FNDC3A: variants seen among roughly 807,000 people sequenced by gnomAD.
The protein encoded by FNDC3A is fibronectin type III domain containing 3A.
In FNDC3A, 32 loss-of-function variants were observed where a neutral mutation model predicts 148.9. The ratio of observed to expected loss-of-function variants is 0.21; its 90% CI spans 0.16 to 0.29. FNDC3A has a LOEUF of 0.29. Ranked by LOEUF, FNDC3A falls within the 10% of genes least tolerant of loss-of-function variation. The pLI is 1.00. For synonymous variants in FNDC3A, 472 were observed against 473.6 expected, an observed-to-expected ratio of 1.00 and a Z score of 0.04; for missense variants, 1,191 against 1,452.8, an observed-to-expected ratio of 0.82 and a Z score of 2.93.
At chr13:49,108,933 G>C (rs1306035663) in intron 3 of FNDC3A, among the ~76,000 whole-genome samples, 1 of 152,146 alleles carries the variant, frequency 6.6e-6, no homozygotes, top group Non-Finnish European at 1.5e-5. Flanking sequence ...TATATTTATT[G>C]AGACCTATTT....
intron 2 of FNDC3A, among the ~76,000 whole-genome samples, chr13:49,013,007 A>G (rs1481010226): frequency 6.6e-6 from 1 of 152,118 alleles, no homozygotes; most frequent in Admixed American, 6.6e-5. Flanking sequence ...ATTTTTATGT[A>G]TATTCTTTCT....
chr13:49,109,855 A>G (rs986187047), intron 3 of FNDC3A, among the ~76,000 whole-genome samples: 1 of 152,210 alleles, frequency 6.6e-6, no homozygotes, highest in Non-Finnish European at 1.5e-5. Context: ...TATTCTATAC[A>G]CAATTATTTG....
At chr13:49,080,969 G>T (rs928052723) in intron 3 of FNDC3A, among the ~76,000 whole-genome samples, 3 of 152,082 alleles carry the variant, frequency 2.0e-5, no homozygotes, top group African/African-American at 7.2e-5. Flanking sequence ...TATGTTTATA[G>T]CCCTGATGCT....
chr13:49,179,876 T>C (rs999362356), intron 14 of FNDC3A, among the ~76,000 whole-genome samples: 2 of 152,180 alleles, frequency 1.3e-5, no homozygotes, highest in African/African-American at 4.8e-5. Flanking sequence ...ATCCTTTTAG[T>C]GGACAGTGAT....
At chr13:49,202,405 C>G (rs1481303650) in intron 24 of FNDC3A, among the ~76,000 whole-genome samples, 2 of 152,150 alleles carry the variant, frequency 1.3e-5, no homozygotes, top group Admixed American at 1.3e-4. Flanking sequence ...TAGTTTTACA[C>G]ACACATGTAC....
At chr13:49,005,904 C>T (rs1038394701) in intron 1 of FNDC3A, among the ~76,000 whole-genome samples, 11 of 151,808 alleles carry the variant, frequency 7.2e-5, no homozygotes, top group South Asian at 2.1e-4. Context: ...ATAGAGCCTG[C>T]TGATATTCGC....
In FNDC3A at chr13:49,167,223, ATAT is replaced by A; in HGVS notation, c.978-18_978-16del. On this transcript the variant is annotated intron_variant, in intron 8 of 25. Coordinates refer to ENST00000492622, the MANE Select transcript of FNDC3A (RefSeq NM_001079673.2). ...AAATGCTTTATTTATCAGACATGATATATTACCCTTTTTTCCCCAGAGGAGAAG... is the reference window on the plus strand; with the variant it reads ...AAATGCTTTATTTATCAGACATGATATACCCTTTTTTCCCCAGAGGAGAAG... 6.6e-7 allele frequency: 1 copy of A among 1,520,916 alleles called. No homozygotes were observed. The highest frequency in any genetic ancestry group is 2.3e-5 in the East Asian group (1 of 43,994). 94.2% of individuals were successfully genotyped at this position (1,520,916 alleles called of 1,614,324 possible). A position where few individuals can be genotyped will look rare whatever the true frequency, so the allele number is the denominator to read the frequency against.
intron 2 of FNDC3A, among the ~76,000 whole-genome samples, chr13:49,041,505 A>G (rs116961347): frequency 6.6e-6 from 1 of 152,232 alleles, no homozygotes; most frequent in Non-Finnish European, 1.5e-5. Context: ...TCATTGAACG[A>G]AAGTTTATTG....
intron 23 of FNDC3A, chr13:49,201,052 T>C (rs1886397198): frequency 6.1e-6 from 1 of 163,752 alleles, no homozygotes; most frequent in Non-Finnish European, 1.3e-5. Context: ...TATTTCTTTA[T>C]TTTTAACTTG....
chr13:49,129,107 G>T (rs538670389), intron 4 of FNDC3A, among the ~76,000 whole-genome samples: 1 of 152,326 alleles, frequency 6.6e-6, no homozygotes, highest in African/African-American at 2.4e-5. Context: ...TCATTCTGAG[G>T]TTTTTCCCTC....
At chr13:49,068,044 A>G (rs1342090820) in intron 2 of FNDC3A, among the ~76,000 whole-genome samples, 2 of 152,158 alleles carry the variant, frequency 1.3e-5, no homozygotes, top group African/African-American at 4.8e-5. Flanking sequence ...AATTTTAAGT[A>G]TGTTTTACAG....
At chr13:49,139,390 T>A (rs558715690) in intron 7 of FNDC3A, among the ~76,000 whole-genome samples, 1 of 152,290 alleles carries the variant, frequency 6.6e-6, no homozygotes, top group South Asian at 2.1e-4. Flanking sequence ...TTTTGGTTCA[T>A]AAAACAAACT....
At chr13:49,158,810 A>T (rs1883896947) in intron 8 of FNDC3A, among the ~76,000 whole-genome samples, 1 of 152,198 alleles carries the variant, frequency 6.6e-6, no homozygotes, top group Non-Finnish European at 1.5e-5. Context: ...GGTGTAAGGA[A>T]GGGATCCAGT....
intron 2 of FNDC3A, among the ~76,000 whole-genome samples, chr13:49,053,336 A>G (rs1875989408): frequency 1.3e-5 from 2 of 152,228 alleles, no homozygotes; most frequent in South Asian, 2.1e-4. Flanking sequence ...GGGAGCTGCA[A>G]GCTAGTTCTG....
chr13:49,163,122 G>A (rs1029604993), intron 8 of FNDC3A, among the ~76,000 whole-genome samples: 12 of 152,064 alleles, frequency 7.9e-5, no homozygotes, highest in African/African-American at 1.4e-4. Flanking sequence ...GTCCCTTCTC[G>A]GATCTCAAAC....
chr13:49,132,669 C>T (rs559510948), intron 5 of FNDC3A, among the ~76,000 whole-genome samples: 2 of 152,340 alleles, frequency 1.3e-5, no homozygotes, highest in South Asian at 4.1e-4. Flanking sequence ...TTCCTTGTCC[C>T]ATTGCTTCCC....
chr13:49,043,083 G>A (rs1430522119), intron 2 of FNDC3A, among the ~76,000 whole-genome samples: 3 of 150,812 alleles, frequency 2.0e-5, no homozygotes, highest in African/African-American at 7.3e-5. Context: ...AGCCTCCCAA[G>A]TAGCTGGGAC....
intron 5 of FNDC3A, among the ~76,000 whole-genome samples, chr13:49,134,715 T>G (rs901093975): frequency 1.3e-5 from 2 of 151,776 alleles, no homozygotes; most frequent in Non-Finnish European, 2.9e-5. Flanking sequence ...TTCTCTCTCA[T>G]TATGGTTTTG....
chr13:49,143,992 ACTACTACTACTACTACTACTG>A (rs1174307481), intron 7 of FNDC3A, among the ~76,000 whole-genome samples: 1 of 149,356 alleles, frequency 6.7e-6, no homozygotes, highest in East Asian at 2.0e-4. Flanking sequence ...TACTACTACT[ACTACTACTACTACTACTACTG>A]CTACTACTAC....
Sources: allele counts gnomAD v4.1 joint callset (sites outside exome capture counted in the v4.1 genomes callset), GRCh38; gene constraint gnomAD v4.1.1; transcripts MANE v1.5; gene names NCBI Gene and HGNC (gene_info 2026-07-23, HGNC 2026-07-21).